Variants in UBE2V2 observed in about 807,000 individuals in gnomAD.
The protein encoded by UBE2V2 is ubiquitin conjugating enzyme E2 V2.
UBE2V2 carries 9 observed loss-of-function variants against 17.2 expected under a neutral mutation model. The observed-to-expected ratio is 0.52, with a 90% CI of 0.32 to 0.91. The LOEUF (loss-of-function observed/expected upper bound fraction) is 0.91. UBE2V2 is among the 40% of genes least tolerant of loss of function. UBE2V2 has a pLI of 0.04. For synonymous variants in UBE2V2, 61 were observed against 57.5 expected (o/e 1.06, Z -0.28); for missense variants, 133 against 182.6 (o/e 0.73, Z 1.56).
chr8:47,999,699 G>A, the UBE2V2 span, among the ~76,000 whole-genome samples: 1 of 152,168 alleles, frequency 6.6e-6, no homozygotes, highest in South Asian at 2.1e-4. Flanking sequence ...CTGGTACCAA[G>A]CTTCTTTACA....
At chr8:48,051,774 G>A (rs2091540455) in intron 3 of UBE2V2, among the ~76,000 whole-genome samples, 1 of 152,142 alleles carries the variant, frequency 6.6e-6, no homozygotes, top group East Asian at 1.9e-4. Context: ...ATTGGCTGGT[G>A]CATCCAGCAG....
chr8:48,026,369 T>A (rs554013738), intron 1 of UBE2V2, among the ~76,000 whole-genome samples: 7 of 152,220 alleles, frequency 4.6e-5, no homozygotes, highest in Admixed American at 6.5e-5. Flanking sequence ...TTCTGGTGGA[T>A]GGAGATGTAA....
intron 1 of UBE2V2, among the ~76,000 whole-genome samples, chr8:48,029,572 G>A (rs979513709): frequency 4.6e-5 from 7 of 152,158 alleles, no homozygotes; most frequent in East Asian, 1.9e-4. Flanking sequence ...TTCTTTGGAA[G>A]TAGTATAATT....
intron 1 of UBE2V2, among the ~76,000 whole-genome samples, chr8:48,015,068 A>T (rs966028939): frequency 1.3e-5 from 2 of 150,446 alleles, no homozygotes; most frequent in African/African-American, 2.4e-5. Context: ...AAAAAAAAAA[A>T]AAATAAGGCT....
At chr8:48,009,729 G>T (rs1310839367) in intron 1 of UBE2V2, among the ~76,000 whole-genome samples, 1 of 152,142 alleles carries the variant, frequency 6.6e-6, no homozygotes, top group Non-Finnish European at 1.5e-5. Context: ...AATACCTCAG[G>T]ATACATTCTG....
intron 1 of UBE2V2, among the ~76,000 whole-genome samples, chr8:48,030,748 A>G (rs919042844): frequency 6.6e-6 from 1 of 151,900 alleles, no homozygotes; most frequent in Non-Finnish European, 1.5e-5. Context: ...CTGGCTAGGC[A>G]TGGTGGCTCA....
Position 48,060,912 on chromosome 8 carries a change from A to G in UBE2V2, c.*84A>G. The G allele has an allele frequency of 8.1e-7, 1 of 1,239,656 alleles. No individual in the cohort carries two copies. 76.8% of individuals were successfully genotyped at this position (1,239,656 alleles called of 1,614,324 possible). On this transcript the variant is annotated 3_prime_UTR_variant, in exon 4 of 4. Transcript: ENST00000523111. ...GATTAAATATCACAATGCAAAATAC[A>G]CATTAAGTAAAAGAATTCCAGCTGG...
At chr8:48,020,129 A>G (rs145566814) in intron 1 of UBE2V2, among the ~76,000 whole-genome samples, 3 of 150,012 alleles carry the variant, frequency 2.0e-5, no homozygotes, top group East Asian at 2.0e-4. Context: ...GCCTTGAACT[A>G]TTGAGATCAG....
the UBE2V2 span, among the ~76,000 whole-genome samples, chr8:48,003,214 A>G: frequency 1.5e-5 from 2 of 134,856 alleles, no homozygotes; most frequent in African/African-American, 2.7e-5. Context: ...TGTCTCAAAC[A>G]AAAAAAAAAA....
At chr8:48,031,445 A>G (rs1279022627) in intron 1 of UBE2V2, among the ~76,000 whole-genome samples, 1 of 152,082 alleles carries the variant, frequency 6.6e-6, no homozygotes, top group African/African-American at 2.4e-5. Context: ...AACTCTCCAT[A>G]TAGGTGGTGA....
At chr8:48,034,395 G>A (rs1388438987) in intron 1 of UBE2V2, among the ~76,000 whole-genome samples, 1 of 152,130 alleles carries the variant, frequency 6.6e-6, no homozygotes, top group African/African-American at 2.4e-5. Flanking sequence ...AAAGTGCTGG[G>A]ATTACAGGCG....
At chr8:48,022,104 ACT>A (rs1474993453) in intron 1 of UBE2V2, among the ~76,000 whole-genome samples, 1 of 147,250 alleles carries the variant, frequency 6.8e-6, no homozygotes, top group Non-Finnish European at 1.5e-5. Flanking sequence ...CTTTTACCCT[ACT>A]CTCCCATTTT....
the UBE2V2 span, among the ~76,000 whole-genome samples, chr8:47,998,731 G>T: frequency 6.6e-6 from 1 of 151,638 alleles, no homozygotes; most frequent in Admixed American, 6.6e-5. Flanking sequence ...AGCGAGAGCC[G>T]GCCAGAGTCT....
chr8:48,048,258 ATC>A (rs1387290641), intron 2 of UBE2V2, among the ~76,000 whole-genome samples: 1 of 152,184 alleles, frequency 6.6e-6, no homozygotes, highest in Non-Finnish European at 1.5e-5. Flanking sequence ...CAGTTGTGTT[ATC>A]TCATGTAGTA....
the UBE2V2 span, among the ~76,000 whole-genome samples, chr8:48,001,447 C>G: frequency 1.3e-5 from 2 of 151,918 alleles, no homozygotes; most frequent in South Asian, 4.1e-4. Flanking sequence ...AAAAATACAA[C>G]AGATTAGCCA....
chr8:48,045,043 ACT>A (rs902583242), intron 2 of UBE2V2, among the ~76,000 whole-genome samples: 2 of 151,750 alleles, frequency 1.3e-5, no homozygotes, highest in African/African-American at 2.4e-5. Flanking sequence ...ACCTCAGGAA[ACT>A]CTATCCACTG....
intron 1 of UBE2V2, among the ~76,000 whole-genome samples, chr8:48,013,088 G>T (rs372373302): frequency 6.6e-6 from 1 of 151,976 alleles, no homozygotes; most frequent in African/African-American, 2.4e-5. Flanking sequence ...CTCATGATCC[G>T]CCCGCCTTGG....
chr8:48,007,645 G>C (rs1287570577), upstream of UBE2V2, among the ~76,000 whole-genome samples: 3 of 151,208 alleles, frequency 2.0e-5, no homozygotes, highest in African/African-American at 7.3e-5. Flanking sequence ...AAAGTCTTGG[G>C]TTCAAGCCAT....
intron 1 of UBE2V2, among the ~76,000 whole-genome samples, chr8:48,012,495 G>T (rs1361250529): frequency 1.3e-5 from 2 of 152,212 alleles, no homozygotes; most frequent in South Asian, 4.1e-4. Flanking sequence ...GAGGTGGGCG[G>T]ATTACCTGAG....
Sources: allele counts gnomAD v4.1 joint callset (sites outside exome capture counted in the v4.1 genomes callset), GRCh38; gene constraint gnomAD v4.1.1; transcripts MANE v1.5; gene names NCBI Gene and HGNC (gene_info 2026-07-23, HGNC 2026-07-21).